The following PAK3 variants were observed in gnomAD, a reference collection of about 807,000 sequenced individuals.
PAK3 encodes serine/threonine-protein kinase PAK 3.
Under a neutral mutation model 41.0 loss-of-function variants are expected in PAK3, and 4 were observed. That is an observed-to-expected ratio of 0.10 (90% CI 0.05 to 0.22). The LOEUF is 0.22. Ranked by LOEUF, PAK3 falls within the 10% of genes least tolerant of loss-of-function variation. The pLI is 1.00. For missense variants in PAK3, 205 were observed against 409.9 expected (o/e 0.50, Z 4.32); for synonymous variants, 146 against 139.6 (o/e 1.05, Z -0.32).
At chrX:110,998,051 AC>A (rs1276464089) in intron 1 of PAK3, among the ~76,000 whole-genome samples, 1 of 111,812 alleles carries the variant, frequency 8.9e-6, no homozygotes, top group Non-Finnish European at 1.9e-5. Flanking sequence ...TCCCAAATGG[AC>A]CAAGACAGAT....
intron 1 of PAK3, among the ~76,000 whole-genome samples, chrX:111,090,989 C>T (rs1348751392): frequency 9.0e-6 from 1 of 111,248 alleles, no homozygotes; most frequent in Non-Finnish European, 1.9e-5. Context: ...ATATGATCCA[C>T]TTGGGAGAAA....
intron 1 of PAK3, among the ~76,000 whole-genome samples, chrX:111,045,060 T>C (rs773031645): frequency 4.5e-5 from 5 of 111,944 alleles, no homozygotes; most frequent in African/African-American, 1.3e-4. Flanking sequence ...CCAGACCTTT[T>C]CTCCTCCCCA....
chrX:111,083,117 G>A (rs914671951), intron 1 of PAK3, among the ~76,000 whole-genome samples: 6 of 112,440 alleles, frequency 5.3e-5, no homozygotes, highest in Admixed American at 4.7e-4. Context: ...TGTTTGAAAC[G>A]CAAAAGGTAA....
At position 111,223,363 on chromosome X, in the gene PAK3, T is replaced by C. The variant is rs756541379; in HGVS notation, c.*2916T>C. ...GCAAGGATCCAGTGCGTTGTCATAA[T>C]CCCATGAGGATTTTCAGATGACACA... On this transcript the variant is annotated 3_prime_UTR_variant, in exon 18 of 18. Transcript: ENST00000372007. 9.2e-6 allele frequency: 1 copy of C among 108,341 alleles called. No homozygotes were observed. The highest frequency in any genetic ancestry group is 3.4e-5 in the African/African-American group (1 of 29,777). 8.9% of individuals were successfully genotyped at this position (108,341 alleles called of 1,213,427 possible). A position where few individuals can be genotyped will look rare whatever the true frequency, so the allele number is the denominator to read the frequency against.
intron 1 of PAK3, among the ~76,000 whole-genome samples, chrX:110,974,348 T>C (rs183199780): frequency 8.9e-6 from 1 of 112,043 alleles, no homozygotes; most frequent in Non-Finnish European, 1.9e-5. Context: ...GCAAATAAAC[T>C]AGAAAATCTA....
intron 1 of PAK3, among the ~76,000 whole-genome samples, chrX:111,022,526 G>A (rs1025084702): frequency 3.6e-5 from 4 of 111,167 alleles, no homozygotes; most frequent in Admixed American, 1.9e-4. Context: ...ATGCTGAAAC[G>A]ATCTCTAAAT....
At chrX:111,120,151 G>A (rs1340296088) in intron 4 of PAK3, among the ~76,000 whole-genome samples, 3 of 112,020 alleles carry the variant, frequency 2.7e-5, no homozygotes, top group Non-Finnish European at 5.6e-5. Flanking sequence ...GCCTTGATTA[G>A]TTGAATGACA....
In PAK3 at chrX:111,086,240, A is replaced by G. The variant is rs535381652; in HGVS notation, c.-27-36837A>G. Among the ~76,000 whole-genome samples, 13 of 111,714 alleles carry G rather than the reference A, an allele frequency of 1.2e-4. No homozygotes were observed. The South Asian group carries it at 5.0e-3, about 43-fold the overall frequency. ...TTACCACAAATCTGTAAGAGAAAGT[A>G]AGGAATTTGAAGATTGTGTCATATA... On this transcript the variant is annotated intron_variant, in intron 1 of 14. Transcript: ENST00000425146.
At position 111,221,276 on chromosome X, in the gene PAK3, G is replaced by A. The variant is rs938742871; in HGVS notation, c.*829G>A. ...GCTTAAAAGATAATTGAGTAAACCA[G>A]GTTGTTAATCTCCTTAATACCTGAA... On this transcript the variant is annotated 3_prime_UTR_variant, in exon 18 of 18. Transcript: ENST00000372007. 2.7e-5 allele frequency: 3 copies of A among 111,007 alleles called. No individual in the cohort carries two copies. Among genetic ancestry groups the A allele is most frequent in the South Asian group, 3.7e-4 (1 of 2,712 alleles). 9.1% of individuals were successfully genotyped at this position (111,007 alleles called of 1,213,427 possible).
intron 10 of PAK3, among the ~76,000 whole-genome samples, chrX:111,164,126 A>T (rs1334976770): frequency 4.5e-5 from 5 of 111,273 alleles, no homozygotes; most frequent in Non-Finnish European, 7.6e-5. Context: ...AACAACAAAT[A>T]ATATAGCTTT....
intron 1 of PAK3, among the ~76,000 whole-genome samples, chrX:111,089,503 C>A (rs748149815): frequency 4.1e-4 from 46 of 111,768 alleles, no homozygotes; most frequent in African/African-American, 1.5e-3. Flanking sequence ...GTACAGATCC[C>A]TTTGGGATTA....
chrX:111,029,846 C>T (rs2148746953), intron 1 of PAK3, among the ~76,000 whole-genome samples: 1 of 112,058 alleles, frequency 8.9e-6, no homozygotes, highest in South Asian at 3.7e-4. Flanking sequence ...ACAAGGATCA[C>T]TTTTTACTGT....
intron 1 of PAK3, among the ~76,000 whole-genome samples, chrX:111,056,259 A>T (rs1000605425): frequency 1.8e-5 from 2 of 111,605 alleles, no homozygotes; most frequent in East Asian, 5.7e-4. Flanking sequence ...ATGATCTGAG[A>T]CCAGTCCCCA....
chrX:110,947,083 T>G (rs952132277), intron 1 of PAK3, among the ~76,000 whole-genome samples: 5 of 112,014 alleles, frequency 4.5e-5, no homozygotes, highest in Non-Finnish European at 9.4e-5. Flanking sequence ...ACTAAGAGAC[T>G]GATTATTTCT....
In PAK3 at chrX:111,049,863, AG is replaced by A. The variant is rs964250430; in HGVS notation, c.-27-73212del. Among the ~76,000 whole-genome samples, 3 of 111,702 alleles carry A rather than the reference AG, an allele frequency of 2.7e-5. No individual in the cohort carries two copies. The Middle Eastern group carries it at 0.014, about 517-fold the overall frequency. On this transcript the variant is annotated intron_variant, in intron 1 of 14. Transcript: ENST00000425146. The stretch of plus-strand genomic sequence containing the variant: ...CTGGTAGGTGGGAGGGAAGAATGAC[AG>A]GTTTGGTATAGAACATGCTGATTTT...
intron 6 of PAK3, among the ~76,000 whole-genome samples, chrX:111,145,386 G>A (rs1345442635): frequency 8.9e-6 from 1 of 112,157 alleles, no homozygotes; most frequent in African/African-American, 3.2e-5. Flanking sequence ...AAGTTTAGAA[G>A]TGCCATGGGA....
intron 1 of PAK3, among the ~76,000 whole-genome samples, chrX:110,953,810 C>A (rs991679116): frequency 1.8e-5 from 2 of 111,492 alleles, no homozygotes; most frequent in East Asian, 2.8e-4. Context: ...TTAAGAAGAG[C>A]GAGTTTGGAC....
At chrX:111,032,552 T>C (rs1373727598) in intron 1 of PAK3, among the ~76,000 whole-genome samples, 1 of 111,825 alleles carries the variant, frequency 8.9e-6, no homozygotes, top group Admixed American at 9.5e-5. Context: ...CTGTGAACTA[T>C]GTACTTGTTT....
At chrX:111,019,069 C>A (rs1339159650) in intron 1 of PAK3, among the ~76,000 whole-genome samples, 3 of 111,164 alleles carry the variant, frequency 2.7e-5, no homozygotes, top group African/African-American at 9.8e-5. Context: ...TGGGCCTTTA[C>A]CTTACACCAT....
Sources: gnomAD v4.1 joint callset for allele counts (sites outside exome capture counted in the v4.1 genomes callset) on GRCh38, gnomAD v4.1.1 for gene constraint, MANE v1.5 for transcripts, NCBI Gene and HGNC (gene_info 2026-07-23, HGNC 2026-07-21) for gene names.